The following GRIK4 variants were observed in gnomAD, a reference collection of about 807,000 sequenced individuals.
The protein encoded by GRIK4 is glutamate receptor ionotropic, kainate 4.
Under a neutral mutation model 104.9 loss-of-function variants are expected in GRIK4, and 40 were observed. The observed-to-expected ratio is 0.38, with a 90% CI of 0.30 to 0.50. GRIK4 has a LOEUF of 0.50. Among genes scored for constraint, GRIK4 ranks in the 20% least tolerant of loss-of-function variants. The pLI is 0.93. For missense variants in GRIK4, 1,047 were observed against 1,308.1 expected (o/e 0.80, Z 3.08); for synonymous variants, 485 against 524.9 (o/e 0.92, Z 1.04).
chr11:120,780,481 G>A (rs1282942653), intron 3 of GRIK4, among the ~76,000 whole-genome samples: 1 of 152,172 alleles, frequency 6.6e-6, no homozygotes, highest in Non-Finnish European at 1.5e-5. Context: ...TTGTAAGGCT[G>A]AATCATATTC....
chr11:120,629,002 A>G (rs932323634), intron 1 of GRIK4, among the ~76,000 whole-genome samples: 2 of 152,048 alleles, frequency 1.3e-5, no homozygotes, highest in African/African-American at 4.8e-5. Flanking sequence ...GGGAGATGAA[A>G]TCACCACCGA....
chr11:120,806,742 A>G (rs568039366), intron 4 of GRIK4, among the ~76,000 whole-genome samples: 1 of 152,314 alleles, frequency 6.6e-6, no homozygotes, highest in Admixed American at 6.5e-5. Context: ...CAGTTGAGGG[A>G]AGCAATGGTT....
chr11:120,764,372 A>G (rs1951797007), intron 3 of GRIK4, among the ~76,000 whole-genome samples: 1 of 152,120 alleles, frequency 6.6e-6, no homozygotes, highest in African/African-American at 2.4e-5. Flanking sequence ...AATACAGCAC[A>G]CCGATGGGTC....
intron 1 of GRIK4, among the ~76,000 whole-genome samples, chr11:120,650,310 C>T (rs1033732812): frequency 3.3e-5 from 5 of 152,320 alleles, no homozygotes; most frequent in African/African-American, 4.8e-5. Flanking sequence ...TTTGTACTTA[C>T]GGATGCCACA....
At chr11:120,616,521 A>G (rs893753536) in intron 1 of GRIK4, among the ~76,000 whole-genome samples, 6 of 152,184 alleles carry the variant, frequency 3.9e-5, no homozygotes, top group African/African-American at 1.4e-4. Context: ...ACCCTAGGCT[A>G]TTCAGCCAGG....
At chr11:120,535,434 G>A (rs1048391364) in intron 1 of GRIK4, among the ~76,000 whole-genome samples, 4 of 152,022 alleles carry the variant, frequency 2.6e-5, no homozygotes, top group African/African-American at 9.7e-5. Flanking sequence ...TGTAAAAGGA[G>A]GGGGTAGGGA....
Position 120,803,092 on chromosome 11 carries a change from T to C in GRIK4, c.247+235T>C, listed in dbSNP as rs116124356. On this transcript the variant is annotated intron_variant, in intron 4 of 20. Transcript: ENST00000527524. The stretch of plus-strand genomic sequence containing the variant: ...TTAAGACAGGATACCCATTCATTCA[T>C]TCATCCACTCATTCATTGCTTCATA... 3.2e-3 allele frequency among the ~76,000 whole-genome samples: 485 copies of C among 152,364 alleles called. 4 individuals are homozygous for C. Among genetic ancestry groups the C allele is most frequent in the African/African-American group, 0.011 (454 of 41,588 alleles).
intron 3 of GRIK4, among the ~76,000 whole-genome samples, chr11:120,770,574 T>A (rs1479892849): frequency 6.6e-6 from 1 of 152,246 alleles, no homozygotes; most frequent in Non-Finnish European, 1.5e-5. Flanking sequence ...TTATTTGTTC[T>A]CTTATGCTAT....
chr11:120,684,844 G>A (rs1472616282), intron 3 of GRIK4, among the ~76,000 whole-genome samples: 1 of 152,168 alleles, frequency 6.6e-6, no homozygotes, highest in Non-Finnish European at 1.5e-5. Flanking sequence ...CGAGTAGCTG[G>A]GACTACAGGC....
At chr11:120,861,814 C>T in intron 8 of GRIK4, 145 bp from the exon 9 acceptor site, 1 of 670,754 alleles carries the variant, frequency 1.5e-6, no homozygotes, top group Non-Finnish European at 2.7e-6. Flanking sequence ...AAACTGCTCT[C>T]ATTAACTCTG....
intron 14 of GRIK4, among the ~76,000 whole-genome samples, chr11:120,949,981 T>C (rs1943959528): frequency 6.6e-6 from 1 of 152,216 alleles, no homozygotes; most frequent in African/African-American, 2.4e-5. Flanking sequence ...TTGGAAGAAA[T>C]GCCTATGGCA....
chr11:120,624,014 C>T (rs1949222992), intron 1 of GRIK4, among the ~76,000 whole-genome samples: 1 of 148,980 alleles, frequency 6.7e-6, no homozygotes, highest in Non-Finnish European at 1.5e-5. Context: ...CCTTTCCGCC[C>T]TGCCTCTCTC....
intron 4 of GRIK4, among the ~76,000 whole-genome samples, chr11:120,806,216 CT>C (rs1178519403): frequency 2.0e-5 from 3 of 152,142 alleles, no homozygotes; most frequent in Admixed American, 6.5e-5. Context: ...AGCCTCCCCC[CT>C]CTCTCTTGTT....
intron 3 of GRIK4, among the ~76,000 whole-genome samples, chr11:120,695,946 G>T (rs1208863011): frequency 1.3e-5 from 2 of 152,196 alleles, no homozygotes; most frequent in African/African-American, 4.8e-5. Context: ...ACCAGTAGGA[G>T]GAGGGCCCAG....
intron 1 of GRIK4, among the ~76,000 whole-genome samples, chr11:120,535,778 T>C (rs1468729281): frequency 6.6e-6 from 1 of 152,260 alleles, no homozygotes; most frequent in East Asian, 1.9e-4. Context: ...TGTGTGTATC[T>C]GTGCACATTT....
At chr11:120,891,542 G>C (rs951172389) in intron 11 of GRIK4, among the ~76,000 whole-genome samples, 1 of 152,136 alleles carries the variant, frequency 6.6e-6, no homozygotes, top group Non-Finnish European at 1.5e-5. Context: ...TTAAAGATAG[G>C]CTGAAGGTTA....
intron 1 of GRIK4, among the ~76,000 whole-genome samples, chr11:120,642,380 C>T (rs933601467): frequency 1.1e-4 from 16 of 151,876 alleles, no homozygotes; most frequent in African/African-American, 2.4e-4. Context: ...AGTACTATCA[C>T]GAAAAGAACA....
intron 1 of GRIK4, among the ~76,000 whole-genome samples, chr11:120,626,284 GTC>G (rs1281206087): frequency 6.6e-6 from 1 of 152,186 alleles, no homozygotes; most frequent in Non-Finnish European, 1.5e-5. Flanking sequence ...GATGACCCAA[GTC>G]TCTGCCACCA....
intron 13 of GRIK4, among the ~76,000 whole-genome samples, chr11:120,917,269 A>AAAAAAAAAGAAAG (rs1463389337): frequency 3.6e-5 from 5 of 138,288 alleles, no homozygotes; most frequent in African/African-American, 1.5e-4. Context: ...AAAAAAAAAA[A>AAAAAAAAAGAAAG]AAAGAAAGAA....
Sources: allele counts gnomAD v4.1 joint callset (sites outside exome capture counted in the v4.1 genomes callset), GRCh38; gene constraint gnomAD v4.1.1; transcripts MANE v1.5; gene names NCBI Gene and HGNC (gene_info 2026-07-23, HGNC 2026-07-21).